The following CDH12 variants were observed in gnomAD, a reference collection of about 807,000 sequenced individuals.
CDH12 encodes cadherin-12.
CDH12 carries 41 observed loss-of-function variants against 74.1 expected under a neutral mutation model. The ratio of observed to expected loss-of-function variants is 0.55; its 90% confidence interval spans 0.43 to 0.72. The LOEUF is 0.72. Ranked by LOEUF, CDH12 falls within the 30% of genes least tolerant of loss-of-function variation. The pLI, the probability that CDH12 is intolerant of heterozygous loss-of-function variation, is 0.00. For missense variants in CDH12, 945 were observed against 977.2 expected, an observed-to-expected ratio of 0.97 and a Z score of 0.44; for synonymous variants, 399 against 355.0, an observed-to-expected ratio of 1.12 and a Z score of -1.39.
At chr5:22,545,006 G>T (rs750749757) in intron 1 of CDH12, among the ~76,000 whole-genome samples, 1 of 151,930 alleles carries the variant, frequency 6.6e-6, no homozygotes, top group African/African-American at 2.4e-5. Context: ...ACTCACACAC[G>T]TACACATACA....
chr5:22,393,429 T>A (rs542716372), intron 3 of CDH12, among the ~76,000 whole-genome samples: 1 of 152,248 alleles, frequency 6.6e-6, no homozygotes, highest in Non-Finnish European at 1.5e-5. Context: ...AGAGAATATA[T>A]TTATCTTGTT....
chr5:22,090,045 T>A (rs937553862), intron 4 of CDH12, among the ~76,000 whole-genome samples: 1 of 151,758 alleles, frequency 6.6e-6, no homozygotes, highest in Admixed American at 6.6e-5. Flanking sequence ...GTAGTAAAGA[T>A]AAAGACTGAA....
Position 22,776,664 on chromosome 5 carries a change from T to A in CDH12, c.-523+76394A>T, listed in dbSNP as rs1747120198. Among the ~76,000 whole-genome samples, 3 of 152,326 alleles carry A rather than the reference T, an allele frequency of 2.0e-5. No homozygotes were observed. The South Asian group carries it at 6.2e-4, about 32-fold the overall frequency. ...ATGATCTGGGGGTTGTGAGAAATTT[T>A]AGAACTGTGATAAAGACGAGTGTAT... On this transcript the variant is annotated intron_variant, in intron 1 of 14. Coordinates refer to ENST00000382254, the MANE Select transcript of CDH12 (RefSeq NM_004061.5).
intron 8 of CDH12, among the ~76,000 whole-genome samples, chr5:21,837,572 C>T (rs1392268701): frequency 1.3e-5 from 2 of 151,508 alleles, no homozygotes; most frequent in African/African-American, 2.4e-5. Flanking sequence ...TTGTTGACTT[C>T]CACATTGAAA....
chr5:22,224,860 T>C (rs2150371096), intron 3 of CDH12, among the ~76,000 whole-genome samples: 1 of 151,870 alleles, frequency 6.6e-6, no homozygotes, highest in East Asian at 1.9e-4. Flanking sequence ...ATTTTATTCA[T>C]AAAATAACAT....
rs1750966332 is a variant in CDH12 at position 21,860,143 on chromosome 5, T to C, written c.527-5353A>G. 2.0e-5 allele frequency among the ~76,000 whole-genome samples: 3 copies of C among 152,068 alleles called. No homozygotes were observed. In the South Asian group the frequency reaches 6.2e-4, roughly 31 times the overall value. On this transcript the variant is annotated intron_variant, in intron 6 of 14. Transcript: ENST00000382254. ...TCGTTGCAGAAATGAGTACTGTAAT[T>C]GTCATGAATACTTTTTCTTTATTTT...
chr5:22,038,858 A>G (rs1446766073), intron 5 of CDH12, among the ~76,000 whole-genome samples: 1 of 152,138 alleles, frequency 6.6e-6, no homozygotes, highest in Non-Finnish European at 1.5e-5. Context: ...AGAAAACCAG[A>G]ACACCAACTA....
chr5:22,595,652 A>AGGTT lies in CDH12; in HGVS notation c.-522-90292_-522-90289dup, dbSNP rs1260781023. On this transcript the variant is annotated intron_variant, in intron 1 of 14. Coordinates refer to ENST00000382254, the MANE Select transcript of CDH12 (RefSeq NM_004061.5). ...TAACCCAACACCTAACACATACAAG[A>AGGTT]GGTTGGTTGGTTGGTTGTAGTTATT... Among the ~76,000 whole-genome samples, 47 of 152,198 alleles carry AGGTT rather than the reference A, an allele frequency of 3.1e-4. 1 individual carries two copies. The highest frequency in any genetic ancestry group is 1.1e-3 in the African/African-American group (44 of 41,538).
chr5:22,095,175 C>T (rs541727143), intron 4 of CDH12, among the ~76,000 whole-genome samples: 1 of 152,284 alleles, frequency 6.6e-6, no homozygotes, highest in South Asian at 2.1e-4. Flanking sequence ...CTCAGACCCA[C>T]CAGCCCAAGG....
At chr5:21,798,337 A>G (rs1386276003) in intron 10 of CDH12, among the ~76,000 whole-genome samples, 1 of 151,884 alleles carries the variant, frequency 6.6e-6, no homozygotes, top group African/African-American at 2.4e-5. Context: ...CTGGAAGTGA[A>G]TCATGTTGTA....
chr5:22,039,364 C>G (rs1305364893), intron 5 of CDH12, among the ~76,000 whole-genome samples: 1 of 152,084 alleles, frequency 6.6e-6, no homozygotes, highest in Non-Finnish European at 1.5e-5. Context: ...CTCAGAGTCA[C>G]AGACCCCAGC....
At chr5:22,024,065 G>A (rs1002521956) in intron 5 of CDH12, among the ~76,000 whole-genome samples, 2 of 152,168 alleles carry the variant, frequency 1.3e-5, no homozygotes, top group Non-Finnish European at 2.9e-5. Flanking sequence ...ACCATGGGGA[G>A]GTGATTTGAG....
chr5:22,100,839 T>A (rs1744102733), intron 4 of CDH12, among the ~76,000 whole-genome samples: 1 of 152,290 alleles, frequency 6.6e-6, no homozygotes, highest in East Asian at 1.9e-4. Context: ...AAATGGGTTT[T>A]CTTATTTTGA....
At chr5:22,235,118 T>G (rs1331044768) in intron 3 of CDH12, among the ~76,000 whole-genome samples, 1 of 152,228 alleles carries the variant, frequency 6.6e-6, no homozygotes, top group African/African-American at 2.4e-5. Context: ...GTTTATATGC[T>G]GTGTGATTTG....
chr5:22,640,984 G>T (rs1192956879), intron 1 of CDH12, among the ~76,000 whole-genome samples: 2 of 152,128 alleles, frequency 1.3e-5, no homozygotes, highest in African/African-American at 2.4e-5. Flanking sequence ...TGTGCCTTCT[G>T]CCAACTTCCC....
intron 1 of CDH12, among the ~76,000 whole-genome samples, chr5:22,537,855 C>A (rs147545338): frequency 0.013 from 1,906 of 152,304 alleles, 33 homozygotes; most frequent in African/African-American, 0.043. Flanking sequence ...TACAGTATCA[C>A]TTCTGAAGAC....
At chr5:22,607,699 T>A (rs1248744802) in intron 1 of CDH12, among the ~76,000 whole-genome samples, 1 of 151,848 alleles carries the variant, frequency 6.6e-6, no homozygotes. Context: ...AAAAATGGTT[T>A]CATGGGCTGG....
intron 4 of CDH12, among the ~76,000 whole-genome samples, chr5:22,141,698 G>A (rs1418191308): frequency 6.6e-6 from 1 of 152,116 alleles, no homozygotes; most frequent in Admixed American, 6.6e-5. Flanking sequence ...AAACAGAATA[G>A]AATTGAAAAA....
At chr5:21,827,249 T>C (rs77889024) in intron 8 of CDH12, among the ~76,000 whole-genome samples, 1,577 of 152,280 alleles carry the variant, frequency 0.01, 25 homozygotes, top group African/African-American at 0.034. Context: ...TAAGATCTTT[T>C]AAAATTCAGA....
Sources: gnomAD v4.1 joint callset for allele counts (sites outside exome capture counted in the v4.1 genomes callset) on GRCh38, gnomAD v4.1.1 for gene constraint, MANE v1.5 for transcripts, NCBI Gene and HGNC (gene_info 2026-07-23, HGNC 2026-07-21) for gene names.